The following ZNF471 variants were observed in gnomAD, a reference collection of about 807,000 sequenced individuals.
ZNF471 encodes EZFIT-related protein 1.
In ZNF471, 7 loss-of-function variants were observed where a neutral mutation model predicts 13.7. The observed-to-expected ratio is 0.51, with a 90% CI of 0.29 to 0.96. The LOEUF (loss-of-function observed/expected upper bound fraction) is 0.96. Among genes scored for constraint, ZNF471 ranks in the 40% least tolerant of loss-of-function variants. The pLI is 0.08. For synonymous variants in ZNF471, 218 were observed against 235.6 expected (o/e 0.93, Z 0.68); for missense variants, 663 against 743.3 (o/e 0.89, Z 1.26).
In ZNF471 at chr19:56,525,603, G is replaced by C. The variant is rs756925379; in HGVS notation, c.1536G>C (p.Glu512Asp). The change falls in exon 5 of 5, where the codon GAG becomes GAC. Residue 512 changes from glutamate to aspartate, a missense_variant. By Grantham distance (45) the Glu-to-Asp change is conservative (BLOSUM62 2). Transcript: ENST00000308031. ...LATHQRIHTGEKPYECIECGN... is the reference protein window; with the variant it reads ...LATHQRIHTGDKPYECIECGN... Reference sequence around the variant, plus strand: ...CTCATCAGAGAATTCATACTGGAGAGAAGCCTTATGAATGTATTGAATGTG... The same window carrying C: ...CTCATCAGAGAATTCATACTGGAGACAAGCCTTATGAATGTATTGAATGTG... The C allele has an allele frequency of 9.3e-6, 15 of 1,613,990 alleles. No individual in the cohort carries two copies. The highest frequency in any genetic ancestry group is 6.7e-5 in the Admixed American group (4 of 60,004).
rs1244906461 is a variant in ZNF471 at position 56,524,596 on chromosome 19, A to G, written c.529A>G (p.Ile177Val). 6.3e-7 allele frequency: 1 copy of G among 1,593,542 alleles called. No homozygotes were observed. The highest frequency in any genetic ancestry group is 1.9e-5 in the Admixed American group (1 of 54,048). ...CCATCTGGAAAACATAGAAGAGAGT[A>G]TTTATAATCACACATCAGATAAAAA... ...CIHLENIEES[I>V]YNHTSDKKSF... Residue 177 changes from isoleucine (I) to valine (V), a missense_variant, in exon 5 of 5, where the codon ATT becomes GTT. Coordinates refer to ENST00000308031, the MANE Select transcript of ZNF471 (RefSeq NM_020813.4). The surrounding 1 kb of genome is among the most constrained non-coding windows in gnomAD (Gnocchi z 4.8).
chr19:56,509,771 G>T, intron 1 of ZNF471: 1 of 549,154 alleles, frequency 1.8e-6, no homozygotes, highest in Non-Finnish European at 2.3e-6. Context: ...CCACACATCT[G>T]GTCTTAGAAC....
Position 56,524,666 on chromosome 19 carries a change from A to G in ZNF471, c.599A>G (p.Tyr200Cys), listed in dbSNP as rs760066598. ...ATGGTAATAAAACACAAGAAAGTCT[A>G]TGTAGGAAAGAAGCTTTTTAAATGT... is the stretch of plus-strand genomic sequence containing the variant. ...NSMVIKHKKV[Y>C]VGKKLFKCNE... Residue 200 changes from tyrosine to cysteine, a missense_variant, in exon 5 of 5, where the codon TAT (tyrosine) becomes TGT (cysteine). Tyr to Cys is a radical substitution (Grantham distance 194, BLOSUM62 -2). Transcript: ENST00000308031. This position sits in a 1 kb window ranked among gnomAD's most constrained non-coding sequence, Gnocchi z 4.8. 1 of 1,581,536 alleles carries G rather than the reference A, an allele frequency of 6.3e-7. No homozygotes were observed. The highest frequency in any genetic ancestry group is 8.5e-7 in the Non-Finnish European group (1 of 1,171,334).
Position 56,510,838 on chromosome 19 carries a change from A to C in ZNF471, c.-55-679A>C. On this transcript the variant is annotated intron_variant, in intron 1 of 4. Transcript: ENST00000308031. This position sits in a 1 kb window ranked among gnomAD's most constrained non-coding sequence, Gnocchi z 4.3. ...GTCCAAGGGTTTCAGTAAGAAGCAA[A>C]GCTGGGGTGACTGAAGCTCCTAACT... is the stretch of plus-strand genomic sequence containing the variant. 4.1e-6 allele frequency: 4 copies of C among 985,440 alleles called. No homozygotes were observed. Among genetic ancestry groups the C allele is most frequent in the Non-Finnish European group, 4.8e-6 (4 of 829,952 alleles). The allele number at this position is 985,440 out of a possible 1,614,324, so 61.0% of individuals were successfully genotyped here.
At position 56,511,742 on chromosome 19, in the gene ZNF471, TTAACTC is replaced by T. The variant is rs2043815075; in HGVS notation, c.33+142_33+147del. The T allele has an allele frequency of 1.0e-5, 7 of 677,880 alleles. No homozygotes were observed. In the East Asian group the frequency reaches 1.6e-4, roughly 16 times the overall value. 42.0% of individuals were successfully genotyped at this position (677,880 alleles called of 1,614,324 possible). ...CCACTTCTCTCAGGGGCCACTGTCTTTAACTCTAATTACCTAATGAGTGAGTAATAG... is the reference window on the plus strand; with the variant it reads ...CCACTTCTCTCAGGGGCCACTGTCTTTAATTACCTAATGAGTGAGTAATAG... On this transcript the variant is annotated intron_variant, in intron 2 of 4. Transcript: ENST00000308031.
At chr19:56,518,608 T>C in intron 4 of ZNF471, 31 bp downstream of exon 4, 1 of 1,582,598 alleles carries the variant, frequency 6.3e-7, no homozygotes, top group South Asian at 1.1e-5. Flanking sequence ...GAGGGGAATC[T>C]TTTTGACATA....
intron 4 of ZNF471, among the ~76,000 whole-genome samples, chr19:56,521,046 G>A (rs2043963846): frequency 1.3e-5 from 2 of 152,246 alleles, no homozygotes; most frequent in Non-Finnish European, 2.9e-5. Flanking sequence ...CTTGTGCAGG[G>A]GGACTCCCAT....
rs1057382899 is a variant in ZNF471 at position 56,530,144 on chromosome 19, G to A, written c.*4196G>A. On this transcript the variant is annotated 3_prime_UTR_variant, in exon 5 of 5. Coordinates refer to ENST00000308031, the MANE Select transcript of ZNF471 (RefSeq NM_020813.4). ...AAAGATGTCTTGCAGTTTATGAACT[G>A]AGATGTAACTTCATGACTAACATGA... 2 of 152,182 alleles carry A rather than the reference G, an allele frequency of 1.3e-5. No individual in the cohort carries two copies. The highest frequency in any genetic ancestry group is 2.9e-5 in the Non-Finnish European group (2 of 68,034). 9.4% of individuals were successfully genotyped at this position (152,182 alleles called of 1,614,324 possible).
rs2044023759 is a variant in ZNF471, at chr19:56,524,901, T to A, written c.834T>A (p.Ile278=). The change falls in exon 5 of 5, where the codon ATT becomes ATA. Residue 278 remains isoleucine, a synonymous_variant. Coordinates refer to ENST00000308031, the MANE Select transcript of ZNF471 (RefSeq NM_020813.4). The surrounding 1 kb of genome is among the most constrained non-coding windows in gnomAD (Gnocchi z 4.8). Reference sequence around the variant, plus strand: ...CCTTCAAACAAAGTGAACACCTTATTCAGCATCAAAGAATTCATACTGGAG... The same window carrying A: ...CCTTCAAACAAAGTGAACACCTTATACAGCATCAAAGAATTCATACTGGAG... ...RKAFKQSEHL[I]QHQRIHTGEK... The A allele has an allele frequency of 2.5e-6, 4 of 1,612,808 alleles. No homozygotes were observed. The highest frequency in any genetic ancestry group is 3.4e-6 in the Non-Finnish European group (4 of 1,179,572).
At chr19:56,518,621 G>A (rs1327278369) in intron 4 of ZNF471, 44 bp downstream of exon 4, 1 of 1,538,088 alleles carries the variant, frequency 6.5e-7, no homozygotes, top group Non-Finnish European at 8.9e-7. Context: ...TTGACATAAT[G>A]GCTCAGCCAT....
Position 56,525,881 on chromosome 19 carries a change from G to A in ZNF471, c.1814G>A (p.Gly605Glu). ...GQRPYQCFEC[G>E]KAFRRKLSLI... ...AGGCCCTATCAGTGTTTTGAATGTG[G>A]GAAGGCGTTCAGAAGAAAGTTATCC... Residue 605 changes from glycine (G) to glutamate (E), a missense_variant, in exon 5 of 5, where the codon GGG becomes GAG. Transcript: ENST00000308031. The A allele has an allele frequency of 6.3e-7, 1 of 1,596,090 alleles. No individual in the cohort carries two copies. The highest frequency in any genetic ancestry group is 8.5e-7 in the Non-Finnish European group (1 of 1,174,662).
At chr19:56,509,804 G>A (rs1253145381) in intron 1 of ZNF471, 1 of 973,324 alleles carries the variant, frequency 1.0e-6, no homozygotes, top group Non-Finnish European at 1.2e-6. Context: ...TGTGAGTGGA[G>A]TAGGAGAAAC....
intron 1 of ZNF471, 24 bp from the exon 2 acceptor site, chr19:56,511,493 T>A (rs1392316029): frequency 7.0e-6 from 11 of 1,582,564 alleles, no homozygotes; most frequent in Non-Finnish European, 6.9e-6. Context: ...GCCTCATCTC[T>A]CTCTAACCTT....
chr19:56,521,769 A>C (rs1368869909), intron 4 of ZNF471, among the ~76,000 whole-genome samples: 2 of 151,042 alleles, frequency 1.3e-5, no homozygotes, highest in South Asian at 4.2e-4. Context: ...GGCAACAGCA[A>C]GACCTCATCC....
chr19:56,520,310 A>G (rs940073307), intron 4 of ZNF471, among the ~76,000 whole-genome samples: 2 of 152,202 alleles, frequency 1.3e-5, no homozygotes, highest in African/African-American at 4.8e-5. Flanking sequence ...TGTCTGTTAA[A>G]AAAGGCCAGG....
chr19:56,523,824 T>C (rs1369802605), intron 4 of ZNF471, among the ~76,000 whole-genome samples: 1 of 152,142 alleles, frequency 6.6e-6, no homozygotes. Context: ...TTTTGTTTTT[T>C]GTTTTTGTTT....
chr19:56,516,183 A>C lies in ZNF471; in HGVS notation c.34-92A>C. On this transcript the variant is annotated intron_variant, in intron 2 of 4. Transcript: ENST00000308031. This position sits in a 1 kb window ranked among gnomAD's most constrained non-coding sequence, Gnocchi z 4.4. ...TTATGTTTTTTCTCTTCTATGAGTTATTTCTCACCTAAAGTAGAGACACTT... is the reference window on the plus strand; with the variant it reads ...TTATGTTTTTTCTCTTCTATGAGTTCTTTCTCACCTAAAGTAGAGACACTT... The C allele has an allele frequency of 7.6e-7, 1 of 1,310,282 alleles. No individual in the cohort carries two copies. Among genetic ancestry groups the C allele is most frequent in the Non-Finnish European group, 1.1e-6 (1 of 934,740 alleles). 81.2% of individuals were successfully genotyped at this position (1,310,282 alleles called of 1,614,324 possible).
chr19:56,517,334 G>A (rs1330934753), intron 3 of ZNF471, among the ~76,000 whole-genome samples: 30 of 134,034 alleles, frequency 2.2e-4, no homozygotes, highest in Non-Finnish European at 3.8e-4. Flanking sequence ...ACGGAGTCTC[G>A]CTCTGTCGCC....
At chr19:56,523,359 T>G (rs1211003291) in intron 4 of ZNF471, among the ~76,000 whole-genome samples, 1 of 130,454 alleles carries the variant, frequency 7.7e-6, no homozygotes, top group African/African-American at 3.3e-5. Flanking sequence ...GAAACCCTCT[T>G]TTTTTTTTTT....
Sources: gnomAD v4.1 joint callset for allele counts (sites outside exome capture counted in the v4.1 genomes callset) on GRCh38, gnomAD v4.1.1 for gene constraint, Gnocchi (gnomAD v3.1) non-coding constraint, MANE v1.5 for transcripts, NCBI Gene and HGNC (gene_info 2026-07-23, HGNC 2026-07-21) for gene names.